ZBTB16: variants seen among roughly 807,000 people sequenced by gnomAD.
ZBTB16 encodes zinc finger and BTB domain containing 16, also known as zinc finger and BTB domain-containing protein 16.
In ZBTB16, 8 loss-of-function variants were observed where a neutral mutation model predicts 56.8. The observed-to-expected ratio is 0.14, with a 90% confidence interval of 0.08 to 0.25. ZBTB16 has a LOEUF of 0.25. ZBTB16 is among the 10% of genes least tolerant of loss of function. The probability of loss-of-function intolerance (pLI) is 1.00; values close to 1 mark genes in which losing one functional copy is unlikely to be tolerated. For missense variants in ZBTB16, 625 were observed against 903.0 expected, an observed-to-expected ratio of 0.69 and a Z score of 3.95; for synonymous variants, 363 against 368.5, an observed-to-expected ratio of 0.98 and a Z score of 0.17.
At chr11:114,232,514 C>G (rs1944459280) in intron 4 of ZBTB16, among the ~76,000 whole-genome samples, 2 of 152,206 alleles carry the variant, frequency 1.3e-5, no homozygotes, top group Admixed American at 1.3e-4. Context: ...ATTCTCCCAG[C>G]CTGATCCCAT....
chr11:114,246,418 A>G (rs1217954672), intron 5 of ZBTB16, among the ~76,000 whole-genome samples: 1 of 152,188 alleles, frequency 6.6e-6, no homozygotes, highest in South Asian at 2.1e-4. Flanking sequence ...GTAAAATGAG[A>G]CTAATATCTT....
At chr11:114,070,780 A>G (rs1565608465) in intron 2 of ZBTB16, among the ~76,000 whole-genome samples, 1 of 152,138 alleles carries the variant, frequency 6.6e-6, no homozygotes, top group Non-Finnish European at 1.5e-5. Flanking sequence ...GTAGCTATTT[A>G]TGGCTGCCTT....
intron 2 of ZBTB16, among the ~76,000 whole-genome samples, chr11:114,091,581 C>G (rs940103336): frequency 6.6e-6 from 1 of 151,710 alleles, no homozygotes; most frequent in Non-Finnish European, 1.5e-5. Context: ...CTTTTTCTTT[C>G]CTTTCCCCAA....
chr11:114,201,703 G>A (rs1468049626), intron 4 of ZBTB16, among the ~76,000 whole-genome samples: 1 of 152,122 alleles, frequency 6.6e-6, no homozygotes, highest in African/African-American at 2.4e-5. Context: ...ATATAGTGTG[G>A]TCCCATTTCA....
intron 2 of ZBTB16, among the ~76,000 whole-genome samples, chr11:114,117,259 A>C (rs1941200418): frequency 6.6e-6 from 1 of 152,104 alleles, no homozygotes; most frequent in Non-Finnish European, 1.5e-5. Context: ...CCTATCATGA[A>C]GTCTTGCTTG....
At chr11:114,065,020 C>T (rs1939059916) in intron 2 of ZBTB16, among the ~76,000 whole-genome samples, 2 of 152,182 alleles carry the variant, frequency 1.3e-5, no homozygotes, top group Non-Finnish European at 2.9e-5. Context: ...CTGTCCCTTT[C>T]TGCAGCTTGG....
At chr11:114,137,671 A>C (rs1006371327) in intron 2 of ZBTB16, among the ~76,000 whole-genome samples, 5 of 152,128 alleles carry the variant, frequency 3.3e-5, no homozygotes, top group African/African-American at 1.2e-4. Context: ...AGATGAAGTT[A>C]CCTGCCTACT....
chr11:114,226,686 C>T (rs564560016), intron 4 of ZBTB16, among the ~76,000 whole-genome samples: 1 of 152,222 alleles, frequency 6.6e-6, no homozygotes, highest in South Asian at 2.1e-4. Context: ...GGAGGGACCA[C>T]GCTGCCCATG....
At chr11:114,209,974 G>A in intron 4 of ZBTB16, 3 of 983,726 alleles carry the variant, frequency 3.0e-6, no homozygotes, top group Non-Finnish European at 3.6e-6. Flanking sequence ...TACTTATTAG[G>A]AGCAAGACTT....
chr11:114,214,200 T>A (rs908578744), intron 4 of ZBTB16, among the ~76,000 whole-genome samples: 2 of 152,204 alleles, frequency 1.3e-5, no homozygotes, highest in African/African-American at 4.8e-5. Flanking sequence ...CTTACTCATC[T>A]TTCCATCTCT....
chr11:114,129,789 C>G (rs915734643), intron 2 of ZBTB16, among the ~76,000 whole-genome samples: 1 of 152,196 alleles, frequency 6.6e-6, no homozygotes, highest in African/African-American at 2.4e-5. Flanking sequence ...TCCCTAGGCT[C>G]CCTTTTCTAT....
chr11:114,148,340 C>CTGG (rs1565651494), intron 2 of ZBTB16, among the ~76,000 whole-genome samples: 8 of 80,682 alleles, frequency 9.9e-5, no homozygotes, highest in Non-Finnish European at 1.6e-4. Context: ...TGGCTGGCTT[C>CTGG]CTTCCTTCCT....
chr11:114,167,676 C>A (rs1421480751), intron 3 of ZBTB16, among the ~76,000 whole-genome samples: 3 of 152,238 alleles, frequency 2.0e-5, no homozygotes, highest in East Asian at 1.9e-4. Flanking sequence ...CCAGCGACCC[C>A]TCCTTCCTCT....
chr11:114,158,186 G>T (rs953755555), intron 3 of ZBTB16, among the ~76,000 whole-genome samples: 1 of 152,124 alleles, frequency 6.6e-6, no homozygotes, highest in Non-Finnish European at 1.5e-5. Flanking sequence ...TTACTGCAGA[G>T]TGTGGTGCGT....
At chr11:114,104,973 T>C (rs1283093827) in intron 2 of ZBTB16, among the ~76,000 whole-genome samples, 1 of 152,128 alleles carries the variant, frequency 6.6e-6, no homozygotes, top group East Asian at 1.9e-4. Context: ...TACTTGCCTT[T>C]TCCTGACCCA....
intron 2 of ZBTB16, among the ~76,000 whole-genome samples, chr11:114,142,463 C>T (rs185544050): frequency 1.5e-3 from 234 of 152,254 alleles, no homozygotes; most frequent in Non-Finnish European, 2.7e-3. Flanking sequence ...TCAAACAGAA[C>T]GGTGATTTAT....
chr11:114,132,514 C>T (rs529899667), intron 2 of ZBTB16, among the ~76,000 whole-genome samples: 14 of 152,314 alleles, frequency 9.2e-5, no homozygotes, highest in Non-Finnish European at 1.9e-4. Context: ...CCGCTGCCCT[C>T]TAGCTGTGTG....
chr11:114,190,026 C>T (rs1446122464), intron 4 of ZBTB16, among the ~76,000 whole-genome samples: 1 of 152,128 alleles, frequency 6.6e-6, no homozygotes, highest in Non-Finnish European at 1.5e-5. Flanking sequence ...ATACATACTA[C>T]AACACAGATG....
At position 114,230,643 on chromosome 11, in the gene ZBTB16, G is replaced by A. The variant is rs1047931752; in HGVS notation, c.1454-11524G>A. On this transcript the variant is annotated intron_variant, in intron 4 of 6. Transcript: ENST00000335953. Reference sequence around the variant, plus strand: ...TAATCATCTTCTGTGGGGGGGGGGCGGGAAGGAGAGGAGCCATTAAAATGT... The same window carrying A: ...TAATCATCTTCTGTGGGGGGGGGGCAGGAAGGAGAGGAGCCATTAAAATGT... Among the ~76,000 whole-genome samples the A allele has an allele frequency of 7.3e-4, 78 of 106,582 alleles. 1 individual carries two copies. The highest frequency in any genetic ancestry group is 1.1e-3 in the Non-Finnish European group (59 of 54,358). 69.9% of individuals were successfully genotyped at this position (106,582 alleles called of 152,430 possible).
Sources: allele counts gnomAD v4.1 joint callset (sites outside exome capture counted in the v4.1 genomes callset), GRCh38; gene constraint gnomAD v4.1.1; transcripts MANE v1.5; gene names NCBI Gene and HGNC (gene_info 2026-07-23, HGNC 2026-07-21).